The following ZNF236 variants were observed in gnomAD, a reference collection of about 807,000 sequenced individuals.
The protein encoded by ZNF236 is regulated by glucose.
A neutral mutation model predicts 191.2 loss-of-function variants in ZNF236; 50 were observed. That is an observed-to-expected ratio of 0.26 (90% CI 0.21 to 0.33). ZNF236 has a LOEUF of 0.33. Among genes scored for constraint, ZNF236 ranks in the 10% least tolerant of loss-of-function variants. ZNF236 has a pLI of 1.00. For missense variants in ZNF236, 1,754 were observed against 2,374.5 expected (o/e 0.74, Z 5.43); for synonymous variants, 907 against 928.8 (o/e 0.98, Z 0.43).
intron 1 of ZNF236, among the ~76,000 whole-genome samples, chr18:76,847,750 A>G (rs1287670653): frequency 1.3e-5 from 2 of 152,242 alleles, no homozygotes; most frequent in Non-Finnish European, 2.9e-5. Flanking sequence ...TGCTGGGACT[A>G]CAGGCGTGAG....
intron 1 of ZNF236, among the ~76,000 whole-genome samples, chr18:76,845,779 G>A (rs138467911): frequency 3.5e-4 from 53 of 152,162 alleles, no homozygotes; most frequent in African/African-American, 1.2e-3. Context: ...AACCCGGGAG[G>A]TGAAGGTTGC....
chr18:76,841,796 C>T (rs1258695268), intron 1 of ZNF236, among the ~76,000 whole-genome samples: 1 of 151,474 alleles, frequency 6.6e-6, no homozygotes, highest in Admixed American at 6.6e-5. Context: ...CAGGTTCAAG[C>T]CATTCTTCTG....
At chr18:76,944,458 T>C (rs1049404269) in intron 26 of ZNF236, among the ~76,000 whole-genome samples, 3 of 152,222 alleles carry the variant, frequency 2.0e-5, no homozygotes, top group Admixed American at 6.5e-5. Context: ...TAGCTTTTAT[T>C]GGACACTGAT....
In ZNF236 at chr18:76,969,044, C is replaced by A; in HGVS notation, c.*705C>A. 1 of 886,794 alleles carries A rather than the reference C, an allele frequency of 1.1e-6. No individual in the cohort carries two copies. The highest frequency in any genetic ancestry group is 1.4e-6 in the Non-Finnish European group (1 of 739,542). 54.9% of individuals were successfully genotyped at this position (886,794 alleles called of 1,614,324 possible). On this transcript the variant is annotated 3_prime_UTR_variant, in exon 31 of 31. Transcript: ENST00000320610. The stretch of plus-strand genomic sequence containing the variant: ...CAGCTGTCCACACGGGCTGGCGACA[C>A]ACTTACCGCATCAATCTGTGTTCAG...
intron 2 of ZNF236, among the ~76,000 whole-genome samples, chr18:76,850,727 C>G (rs542018747): frequency 3.3e-5 from 5 of 151,986 alleles, no homozygotes; most frequent in African/African-American, 9.7e-5. Context: ...CTCAGCTTCC[C>G]GAGTAGCTGG....
chr18:76,917,975 C>T (rs1205858423), intron 19 of ZNF236, among the ~76,000 whole-genome samples: 1 of 152,130 alleles, frequency 6.6e-6, no homozygotes, highest in African/African-American at 2.4e-5. Context: ...CTTCTTCCCT[C>T]CCCAATCCCC....
At chr18:76,886,987 C>T (rs544044) in intron 9 of ZNF236, 122,874 of 175,596 alleles carry the variant, frequency 0.7, 43,763 homozygotes, top group African/African-American at 0.86. Flanking sequence ...GACTGTCTCT[C>T]TCCTGTGACC....
Position 76,960,816 on chromosome 18 carries a change from AACATGAAGCTGC to A in ZNF236, c.5390_5401del (p.Leu1797_Lys1800del). ...CGTCATGGGCTTCACGCAGAAGAGC[AACATGAAGCTGC>A]ACATGAAGCGGGCGCACAGCTATGC... On this transcript the variant is annotated inframe_deletion, in exon 30 of 31. Transcript: ENST00000320610. The surrounding 1 kb of genome is among the most constrained non-coding windows in gnomAD (Gnocchi z 4.4). The A allele has an allele frequency of 1.9e-6, 3 of 1,614,000 alleles. No individual in the cohort carries two copies. Among genetic ancestry groups the A allele is most frequent in the African/African-American group, 1.3e-5 (1 of 75,054 alleles).
At chr18:76,911,070 T>C (rs1967205359) in intron 16 of ZNF236, among the ~76,000 whole-genome samples, 1 of 152,208 alleles carries the variant, frequency 6.6e-6, no homozygotes, top group Non-Finnish European at 1.5e-5. Flanking sequence ...AACCAAAAAT[T>C]GACTAGAGTG....
intron 15 of ZNF236, 86 bp from the exon 16 acceptor site, chr18:76,910,574 C>A: frequency 7.4e-7 from 1 of 1,343,968 alleles, no homozygotes; most frequent in Non-Finnish European, 1.0e-6. Flanking sequence ...CCCCTTTAGA[C>A]ATTTTAAATT....
At chr18:76,908,264 G>C (rs2122755292) in intron 13 of ZNF236, 56 bp from the exon 14 acceptor site, 1 of 1,555,760 alleles carries the variant, frequency 6.4e-7, no homozygotes, top group Non-Finnish European at 8.7e-7. Flanking sequence ...TAGTATCCCA[G>C]GCAAGTAACC....
At chr18:76,832,897 G>A (rs1975215061) in intron 1 of ZNF236, among the ~76,000 whole-genome samples, 2 of 151,606 alleles carry the variant, frequency 1.3e-5, no homozygotes, top group African/African-American at 4.8e-5. Flanking sequence ...ATCGTCTCTT[G>A]GTAATGTTTT....
chr18:76,879,066 G>A (rs1021822524), intron 7 of ZNF236, among the ~76,000 whole-genome samples: 1 of 152,006 alleles, frequency 6.6e-6, no homozygotes, highest in Non-Finnish European at 1.5e-5. Flanking sequence ...ATTCTATTTT[G>A]GTCTGAATTT....
At chr18:76,955,012 A>G (rs919891435) in intron 27 of ZNF236, among the ~76,000 whole-genome samples, 3 of 152,202 alleles carry the variant, frequency 2.0e-5, no homozygotes, top group Non-Finnish European at 4.4e-5. Flanking sequence ...GTATTTGATA[A>G]ATTAGGAATA....
intron 3 of ZNF236, among the ~76,000 whole-genome samples, chr18:76,867,258 T>G (rs1976445680): frequency 1.3e-5 from 2 of 151,444 alleles, no homozygotes; most frequent in South Asian, 2.1e-4. Context: ...TGCATCAAAT[T>G]ATGATTTTTT....
At chr18:76,898,373 TC>T (rs1977495904) in intron 10 of ZNF236, among the ~76,000 whole-genome samples, 1 of 152,210 alleles carries the variant, frequency 6.6e-6, no homozygotes, top group Non-Finnish European at 1.5e-5. Context: ...CCCTCAGGGA[TC>T]CTCCTCTGGG....
intron 5 of ZNF236, 69 bp downstream of exon 5, chr18:76,871,894 A>G (rs1177042536): frequency 6.3e-7 from 1 of 1,582,770 alleles, no homozygotes. Flanking sequence ...CCTTTTTGCT[A>G]GCTCGACTTG....
At chr18:76,847,611 GC>G (rs1401997503) in intron 1 of ZNF236, among the ~76,000 whole-genome samples, 1 of 152,020 alleles carries the variant, frequency 6.6e-6, no homozygotes, top group African/African-American at 2.4e-5. Context: ...GGCTACAGGC[GC>G]CCACCACCAC....
chr18:76,879,531 C>T (rs1240364270), intron 7 of ZNF236, among the ~76,000 whole-genome samples: 1 of 152,218 alleles, frequency 6.6e-6, no homozygotes, highest in East Asian at 1.9e-4. Flanking sequence ...GTCCTGTCCA[C>T]ACCCTCACAG....
Sources: allele counts gnomAD v4.1 joint callset (sites outside exome capture counted in the v4.1 genomes callset), GRCh38; gene constraint gnomAD v4.1.1; non-coding constraint Gnocchi (gnomAD v3.1); transcripts MANE v1.5; gene names NCBI Gene and HGNC (gene_info 2026-07-23, HGNC 2026-07-21).